PPP1R12B: variants seen among roughly 807,000 people sequenced by gnomAD.
PPP1R12B encodes the protein myosin phosphatase target subunit 2.
A neutral mutation model predicts 126.1 loss-of-function variants in PPP1R12B; 76 were observed. The observed-to-expected ratio is 0.60, with a 90% CI of 0.50 to 0.73. PPP1R12B has a LOEUF of 0.73. Ranked by LOEUF, PPP1R12B falls within the 30% of genes least tolerant of loss-of-function variation. The pLI is 0.00. For missense variants in PPP1R12B, 1,052 were observed against 1,205.1 expected (o/e 0.87, Z 1.88); for synonymous variants, 356 against 434.7 (o/e 0.82, Z 2.25).
chr1:202,531,692 C>G (rs1389166894), intron 18 of PPP1R12B, among the ~76,000 whole-genome samples: 1 of 152,136 alleles, frequency 6.6e-6, no homozygotes, highest in Non-Finnish European at 1.5e-5. Flanking sequence ...ACCTTCTTGC[C>G]TAAATCTGAA....
At position 202,349,162 on chromosome 1, in the gene PPP1R12B, TA is replaced by T; in HGVS notation, c.291+21del. 1 of 1,612,846 alleles carries T rather than the reference TA, an allele frequency of 6.2e-7. No homozygotes were observed. The highest frequency in any genetic ancestry group is 8.5e-7 in the Non-Finnish European group (1 of 1,179,752). ...CACCAGGTAACTCCTTTCTTGGTCT[TA>T]GAGGCGTCCAGTCTCCTACAGATGA... On this transcript the variant is annotated intron_variant, in intron 1 of 23. Transcript: ENST00000608999.
At chr1:202,519,280 T>C (rs2148911431) in intron 18 of PPP1R12B, among the ~76,000 whole-genome samples, 1 of 152,278 alleles carries the variant, frequency 6.6e-6, no homozygotes, top group Admixed American at 6.5e-5. Flanking sequence ...TTCTTTTTCT[T>C]TTGAGACGGG....
chr1:202,438,546 A>G (rs1205797464), intron 10 of PPP1R12B: 2 of 425,836 alleles, frequency 4.7e-6, no homozygotes, highest in Non-Finnish European at 8.9e-6. Context: ...TGGGCATGGG[A>G]CAGCCCCCGG....
intron 23 of PPP1R12B, among the ~76,000 whole-genome samples, chr1:202,570,107 C>G (rs1240034765): frequency 6.6e-6 from 1 of 152,138 alleles, no homozygotes; most frequent in Non-Finnish European, 1.5e-5. Context: ...TTTTTTCTTT[C>G]TTCAGGCATC....
At chr1:202,514,881 T>C (rs1336701088) in intron 18 of PPP1R12B, among the ~76,000 whole-genome samples, 1 of 152,198 alleles carries the variant, frequency 6.6e-6, no homozygotes, top group African/African-American at 2.4e-5. Context: ...AGCAAAGACA[T>C]AGAGTCAACC....
intron 18 of PPP1R12B, among the ~76,000 whole-genome samples, chr1:202,551,300 G>A (rs1169481170): frequency 3.3e-5 from 5 of 152,162 alleles, no homozygotes; most frequent in Admixed American, 2.6e-4. Context: ...CATATAATAT[G>A]ATGAAGACAT....
At chr1:202,524,512 A>AC (rs1404535103) in intron 18 of PPP1R12B, among the ~76,000 whole-genome samples, 1 of 151,630 alleles carries the variant, frequency 6.6e-6, no homozygotes. Flanking sequence ...TTTATTCCTT[A>AC]CCCCCCTCTC....
intron 9 of PPP1R12B, among the ~76,000 whole-genome samples, chr1:202,436,758 T>C (rs1457449177): frequency 2.0e-5 from 3 of 152,134 alleles, no homozygotes; most frequent in Admixed American, 6.5e-5. Context: ...TAATGATGAG[T>C]TGTTCAAAAA....
At chr1:202,517,272 C>A (rs1682258227) in intron 18 of PPP1R12B, among the ~76,000 whole-genome samples, 1 of 152,088 alleles carries the variant, frequency 6.6e-6, no homozygotes. Context: ...AGACAAATAT[C>A]ACAAATAAAA....
chr1:202,439,796 C>A (rs975399093), intron 10 of PPP1R12B: 116 of 446,490 alleles, frequency 2.6e-4, no homozygotes, highest in African/African-American at 1.9e-3. Context: ...CTTTCCTCCC[C>A]ACTCCCCTTC....
chr1:202,557,796 G>A (rs538373336), intron 18 of PPP1R12B, among the ~76,000 whole-genome samples: 35 of 152,204 alleles, frequency 2.3e-4, no homozygotes, highest in Non-Finnish European at 3.1e-4. Context: ...ATTCTATGAG[G>A]AAATGTCATC....
chr1:202,523,770 A>G (rs974716949), intron 18 of PPP1R12B, among the ~76,000 whole-genome samples: 1 of 152,044 alleles, frequency 6.6e-6, no homozygotes, highest in African/African-American at 2.4e-5. Context: ...GATGGAGTGC[A>G]TTGGCGCCAT....
chr1:202,469,943 ATTTCT>A (rs902188958), intron 13 of PPP1R12B, among the ~76,000 whole-genome samples: 1 of 152,186 alleles, frequency 6.6e-6, no homozygotes, highest in African/African-American at 2.4e-5. Context: ...AGGAGATTAC[ATTTCT>A]TATCTGATTG....
intron 18 of PPP1R12B, among the ~76,000 whole-genome samples, chr1:202,497,175 G>T (rs529412469): frequency 1.3e-5 from 2 of 152,266 alleles, no homozygotes; most frequent in Admixed American, 6.5e-5. Context: ...TTTTGGATCC[G>T]CACTAATAGA....
At chr1:202,566,183 G>A (rs1688033075) in intron 21 of PPP1R12B, among the ~76,000 whole-genome samples, 3 of 152,202 alleles carry the variant, frequency 2.0e-5, no homozygotes, top group Admixed American at 2.0e-4. Flanking sequence ...CCATGCCTTA[G>A]AACAGTGAGC....
chr1:202,524,890 A>G (rs921447613), intron 18 of PPP1R12B, among the ~76,000 whole-genome samples: 3 of 151,568 alleles, frequency 2.0e-5, no homozygotes, highest in Non-Finnish European at 4.4e-5. Context: ...TTATTTTTTT[A>G]TTTTTTGGAC....
intron 18 of PPP1R12B, among the ~76,000 whole-genome samples, chr1:202,542,913 T>C (rs185584190): frequency 1.3e-5 from 2 of 152,310 alleles, no homozygotes; most frequent in African/African-American, 4.8e-5. Flanking sequence ...CTTCTAGAGA[T>C]GGCACAGAGT....
At chr1:202,561,507 T>A (rs1000921957) in intron 19 of PPP1R12B, among the ~76,000 whole-genome samples, 3 of 152,162 alleles carry the variant, frequency 2.0e-5, no homozygotes, top group African/African-American at 7.2e-5. Flanking sequence ...TGAATTTATT[T>A]ATAGAACTAT....
At chr1:202,365,320 C>T (rs549953853) in intron 1 of PPP1R12B, among the ~76,000 whole-genome samples, 3 of 151,760 alleles carry the variant, frequency 2.0e-5, no homozygotes, top group Non-Finnish European at 4.4e-5. Flanking sequence ...TGGTCGCCTG[C>T]AGTTGTGGCT....
Sources: gnomAD v4.1 joint callset for allele counts (sites outside exome capture counted in the v4.1 genomes callset) on GRCh38, gnomAD v4.1.1 for gene constraint, MANE v1.5 for transcripts, NCBI Gene and HGNC (gene_info 2026-07-23, HGNC 2026-07-21) for gene names.